The following SLC6A19 variants were observed in gnomAD, a reference collection of about 807,000 sequenced individuals.
SLC6A19 encodes sodium-dependent neutral amino acid transporter B(0)AT1.
In SLC6A19, 67 loss-of-function variants were observed where a neutral mutation model predicts 68.3. The observed-to-expected ratio is 0.98, with a 90% confidence interval of 0.81 to 1.20. The LOEUF is 1.20. Among genes scored for constraint, SLC6A19 ranks in the 50% most tolerant of loss-of-function variants. The probability of loss-of-function intolerance (pLI) is 0.00; values close to 1 mark genes in which losing one functional copy is unlikely to be tolerated. For synonymous variants in SLC6A19, 392 were observed against 374.9 expected (o/e 1.05, Z -0.53); for missense variants, 813 against 851.6 (o/e 0.95, Z 0.56).
rs1461619785 is a variant in SLC6A19, at chr5:1,224,947, G to A, written c.*3043G>A. On this transcript the variant is annotated 3_prime_UTR_variant, in exon 12 of 12. Coordinates refer to ENST00000304460, the MANE Select transcript of SLC6A19 (RefSeq NM_001003841.3). ...GCGGCCCGAGGGCAGCAGTGGGTGT[G>A]AGGGCAGCCCCCGGCCTCCCAAGAG... The A allele has an allele frequency of 2.6e-5, 4 of 154,908 alleles. No homozygotes were observed. The highest frequency in any genetic ancestry group is 1.4e-5 in the Non-Finnish European group (1 of 69,778). 9.6% of individuals were successfully genotyped at this position (154,908 alleles called of 1,614,324 possible).
intron 10 of SLC6A19, among the ~76,000 whole-genome samples, chr5:1,220,572 A>G (rs148417837): frequency 1.3e-5 from 2 of 152,226 alleles, no homozygotes; most frequent in Non-Finnish European, 2.9e-5. Context: ...TGCATGCATA[A>G]CCACCTAAAT....
chr5:1,215,499 C>T lies in SLC6A19; in HGVS notation c.888-1059C>T, dbSNP rs1746182545. Among the ~76,000 whole-genome samples, 1 of 152,228 alleles carries T rather than the reference C, an allele frequency of 6.6e-6. No individual in the cohort carries two copies. On this transcript the variant is annotated intron_variant, in intron 6 of 11. Coordinates refer to ENST00000304460, the MANE Select transcript of SLC6A19 (RefSeq NM_001003841.3). This position sits in a 1 kb window ranked among gnomAD's most constrained non-coding sequence, Gnocchi z 5.1. The stretch of plus-strand genomic sequence containing the variant: ...GGACATTTCCTGCGAATGGGGTGGC[C>T]ACATTGCCACAGCCCTGTGTCTGAT...
chr5:1,222,407 G>T lies in SLC6A19; in HGVS notation c.*503G>T. 1 of 454,970 alleles carries T rather than the reference G, an allele frequency of 2.2e-6. No homozygotes were observed. Among genetic ancestry groups the T allele is most frequent in the Non-Finnish European group, 3.8e-6 (1 of 260,412 alleles). The allele number at this position is 454,970 out of a possible 1,614,324, so 28.2% of individuals were successfully genotyped here. A position where few individuals can be genotyped will look rare whatever the true frequency, so the allele number is the denominator to read the frequency against. On this transcript the variant is annotated 3_prime_UTR_variant, in exon 12 of 12. Transcript: ENST00000304460. ...CATGCACGTGTATATGTATATCTGT[G>T]AGTGTATATACATGCATGCAATTGT...
chr5:1,210,464 T>A lies in SLC6A19; in HGVS notation c.364T>A (p.Ser122Thr). 1 of 1,613,276 alleles carries A rather than the reference T, an allele frequency of 6.2e-7. No individual in the cohort carries two copies. The highest frequency in any genetic ancestry group is 8.5e-7 in the Non-Finnish European group (1 of 1,180,004). The change falls in exon 3 of 12, where the codon TCC (serine) becomes ACC (threonine). Residue 122 changes from serine (S) to threonine (T), a missense_variant. Coordinates refer to ENST00000304460, the MANE Select transcript of SLC6A19 (RefSeq NM_001003841.3). ...KGLGLASMLT[S>T]FMVGLYYNTI... ...TGCAGGCCTGGCCTCCATGCTCACGTCCTTCATGGTGGGACTGTATTACAA... is the reference window on the plus strand; with the variant it reads ...TGCAGGCCTGGCCTCCATGCTCACGACCTTCATGGTGGGACTGTATTACAA...
At chr5:1,218,875 C>T in intron 8 of SLC6A19, 28 bp from the exon 9 acceptor site, 13 of 1,608,322 alleles carry the variant, frequency 8.1e-6, no homozygotes, top group Non-Finnish European at 1.1e-5. Context: ...AGGGCAGAGG[C>T]CCTGGTGACT....
rs1350768164 is a variant in SLC6A19 at position 1,222,182 on chromosome 5, T to C, written c.*278T>C. 2 of 594,364 alleles carry C rather than the reference T, an allele frequency of 3.4e-6. No homozygotes were observed. The highest frequency in any genetic ancestry group is 3.7e-5 in the African/African-American group (2 of 53,726). The allele number at this position is 594,364 out of a possible 1,614,324, so 36.8% of individuals were successfully genotyped here. ...TGCATGTGCCATGTGTGCAGATGTG[T>C]CATGTTGTGTGTGTGCATGTACATG... On this transcript the variant is annotated 3_prime_UTR_variant, in exon 12 of 12. Coordinates refer to ENST00000304460, the MANE Select transcript of SLC6A19 (RefSeq NM_001003841.3).
Position 1,209,462 on chromosome 5 carries a change from T to G in SLC6A19, c.343+576T>G, listed in dbSNP as rs894931974. ...AGGAAGCACCTGCCCTTCGGAAGCC[T>G]GCAGGCCTGGAGCAGAGCCTACACC... is the stretch of plus-strand genomic sequence containing the variant. On this transcript the variant is annotated intron_variant, in intron 2 of 11. Transcript: ENST00000304460. This position sits in a 1 kb window ranked among gnomAD's most constrained non-coding sequence, Gnocchi z 5.5. Among the ~76,000 whole-genome samples the G allele has an allele frequency of 1.3e-5, 2 of 151,988 alleles. No individual in the cohort carries two copies. Among genetic ancestry groups the G allele is most frequent in the African/African-American group, 4.8e-5 (2 of 41,380 alleles).
rs1745990318 is a variant in SLC6A19, at chr5:1,210,377, G to A, written c.344-67G>A. On this transcript the variant is annotated intron_variant, in intron 2 of 11. Coordinates refer to ENST00000304460, the MANE Select transcript of SLC6A19 (RefSeq NM_001003841.3). ...TGCCAGCCCTGGGACCTCCTGCTCAGAGTGGGGATGGGTGGCCAGTGGAGG... is the reference window on the plus strand; with the variant it reads ...TGCCAGCCCTGGGACCTCCTGCTCAAAGTGGGGATGGGTGGCCAGTGGAGG... The A allele has an allele frequency of 3.1e-6, 5 of 1,602,166 alleles. No individual in the cohort carries two copies. In the South Asian group the frequency reaches 5.6e-5, roughly 18 times the overall value.
intron 6 of SLC6A19, 94 bp from the exon 7 acceptor site, chr5:1,216,464 G>A: frequency 6.3e-7 from 1 of 1,583,282 alleles, no homozygotes; most frequent in Non-Finnish European, 8.6e-7. Context: ...CACTCCTGGG[G>A]CTGGCGCTCT....
chr5:1,203,011 G>A (rs1471652994), intron 1 of SLC6A19, among the ~76,000 whole-genome samples: 1 of 152,106 alleles, frequency 6.6e-6, no homozygotes, highest in East Asian at 1.9e-4. Context: ...AAGCCTCAGG[G>A]GACTTCCTGG....
chr5:1,216,525 C>T (rs374690592), intron 6 of SLC6A19, 33 bp from the exon 7 acceptor site: 60 of 1,613,452 alleles, frequency 3.7e-5, no homozygotes, highest in South Asian at 2.1e-4. Flanking sequence ...GGGACCTCAT[C>T]GCCAGCCGCC....
At chr5:1,217,661 G>C (rs1254651096) in intron 8 of SLC6A19, among the ~76,000 whole-genome samples, 1 of 152,236 alleles carries the variant, frequency 6.6e-6, no homozygotes, top group Non-Finnish European at 1.5e-5. Flanking sequence ...CCAACTGTAG[G>C]AGGCCTCCAA....
At chr5:1,216,021 A>G (rs1018565188) in intron 6 of SLC6A19, among the ~76,000 whole-genome samples, 2 of 152,232 alleles carry the variant, frequency 1.3e-5, no homozygotes, top group Non-Finnish European at 2.9e-5. Context: ...GGATGGTGTC[A>G]GCATCAACCG....
intron 8 of SLC6A19, among the ~76,000 whole-genome samples, chr5:1,217,776 C>T (rs1329078304): frequency 6.6e-6 from 1 of 152,260 alleles, no homozygotes; most frequent in Admixed American, 6.5e-5. Context: ...AATTCGCCCA[C>T]TTCCAGTGCC....
At chr5:1,218,017 G>GCCTCCTCCCGCCACCTCCCA (rs1554035172) in intron 8 of SLC6A19, among the ~76,000 whole-genome samples, 1 of 148,176 alleles carries the variant, frequency 6.7e-6, no homozygotes, top group African/African-American at 2.5e-5. Context: ...GCCTCCTCCC[G>GCCTCCTCCCGCCACCTCCCA]CCACCTCCCA....
chr5:1,213,306 GC>G (rs1294925601), intron 4 of SLC6A19, among the ~76,000 whole-genome samples, 156 bp from the exon 5 acceptor site: 1 of 10,220 alleles, frequency 9.8e-5, no homozygotes, highest in African/African-American at 5.7e-4. Context: ...AACAGGCCTG[GC>G]CCCCTCCCCA....
At chr5:1,210,218 AGGGCAGGCG>A (rs1401968152) in intron 2 of SLC6A19, among the ~76,000 whole-genome samples, 143 of 66,132 alleles carry the variant, frequency 2.2e-3, no homozygotes, top group African/African-American at 9.2e-3. Context: ...AGGCGTGTGC[AGGGCAGGCG>A]TGTGCCAGGA....
intron 6 of SLC6A19, among the ~76,000 whole-genome samples, chr5:1,216,296 A>T (rs541164167): frequency 6.6e-6 from 1 of 152,284 alleles, no homozygotes; most frequent in Admixed American, 6.5e-5. Context: ...TGGTCTGGGG[A>T]GTCAGGAGCA....
rs1197627618 is a variant in SLC6A19, at chr5:1,209,742, TTC to T, written c.344-696_344-695del. Among the ~76,000 whole-genome samples the T allele has an allele frequency of 2.0e-5, 3 of 150,022 alleles. No homozygotes were observed. The highest frequency in any genetic ancestry group is 2.2e-4 in the South Asian group (1 of 4,606). ...TGTCTTTTTTTCTTTCCCCCTCCTA[TTC>T]TCTCTGTCTCTTCCCTCTTCTCTCT... On this transcript the variant is annotated intron_variant, in intron 2 of 11. Transcript: ENST00000304460. The surrounding 1 kb of genome is among the most constrained non-coding windows in gnomAD (Gnocchi z 5.5).
Sources: gnomAD v4.1 joint callset for allele counts (sites outside exome capture counted in the v4.1 genomes callset) on GRCh38, gnomAD v4.1.1 for gene constraint, Gnocchi (gnomAD v3.1) non-coding constraint, MANE v1.5 for transcripts, NCBI Gene and HGNC (gene_info 2026-07-23, HGNC 2026-07-21) for gene names.